Variants in KCTD13 observed in about 807,000 individuals in gnomAD.
The protein encoded by KCTD13 is BTB/POZ domain-containing adapter for CUL3-mediated RhoA degradation protein 1.
Under a neutral mutation model 32.3 loss-of-function variants are expected in KCTD13, and 15 were observed. That is an observed-to-expected ratio of 0.46 (90% confidence interval 0.31 to 0.71). KCTD13 has a LOEUF of 0.71. KCTD13 is among the 30% of genes least tolerant of loss of function. The pLI, the probability that KCTD13 is intolerant of heterozygous loss-of-function variation, is 0.05. For missense variants in KCTD13, 337 were observed against 452.6 expected (o/e 0.74, Z 2.32); for synonymous variants, 189 against 200.1 (o/e 0.94, Z 0.47).
chr16:29,911,233 A>G, intron 4 of KCTD13, 60 bp from the exon 5 acceptor site: 2 of 1,343,594 alleles, frequency 1.5e-6, no homozygotes, highest in South Asian at 1.3e-5. Flanking sequence ...CTGTACCCCC[A>G]GAAGACGGGC....
chr16:29,923,012 GT>G, intron 2 of KCTD13, 177 bp downstream of exon 2: 1 of 628,246 alleles, frequency 1.6e-6, no homozygotes, highest in South Asian at 2.0e-5. Flanking sequence ...TGAGGCTGGG[GT>G]GGGGGTGCTG....
chr16:29,925,303 AG>A (rs1228482413), intron 1 of KCTD13, among the ~76,000 whole-genome samples: 1 of 152,208 alleles, frequency 6.6e-6, no homozygotes, highest in African/African-American at 2.4e-5. Context: ...TAGAGTGTAC[AG>A]GGACCTGTGT....
chr16:29,923,127 C>T (rs1185783551), intron 2 of KCTD13, 63 bp downstream of exon 2: 10 of 1,570,974 alleles, frequency 6.4e-6, no homozygotes, highest in Non-Finnish European at 8.7e-6. Context: ...CTTTTTTCTG[C>T]TCTAATACCT....
In KCTD13 at chr16:29,925,881, C is replaced by T; in HGVS notation, c.153G>A (p.Leu51=). The T allele has an allele frequency of 3.1e-6, 5 of 1,614,064 alleles. No individual in the cohort carries two copies. Among genetic ancestry groups the T allele is most frequent in the Non-Finnish European group, 2.5e-6 (3 of 1,179,992 alleles). Reference sequence around the variant, plus strand: ...TGAGGGTGCGCAGCGTGGTGTAGTGCAACGAGCCGCCCACGTTCAGCTTCA... The same window carrying T: ...TGAGGGTGCGCAGCGTGGTGTAGTGTAACGAGCCGCCCACGTTCAGCTTCA... The part of the protein sequence containing the change: ...KYVKLNVGGS[L]HYTTLRTLTG... Residue 51 remains leucine, a synonymous_variant, in exon 1 of 6, where the codon TTG becomes TTA. Transcript: ENST00000568000.
intron 5 of KCTD13, among the ~76,000 whole-genome samples, chr16:29,909,371 AGT>A (rs1272359944): frequency 5.9e-5 from 9 of 152,234 alleles, no homozygotes; most frequent in Non-Finnish European, 4.4e-5. Context: ...AAGAGGCAAC[AGT>A]GTGTGCAGAG....
chr16:29,923,137 T>C (rs1440758481), intron 2 of KCTD13, 53 bp downstream of exon 2: 1 of 1,597,070 alleles, frequency 6.3e-7, no homozygotes, highest in South Asian at 1.1e-5. Flanking sequence ...CTCTAATACC[T>C]GCTTGGGCAG....
intron 1 of KCTD13, 95 bp downstream of exon 1, chr16:29,925,695 G>A: frequency 1.2e-5 from 15 of 1,262,432 alleles, no homozygotes; most frequent in Non-Finnish European, 1.7e-5. Context: ...GTAGCGGGCA[G>A]AGAGAAGGGG....
At chr16:29,916,592 G>C (rs2068813178) in intron 2 of KCTD13, among the ~76,000 whole-genome samples, 1 of 152,200 alleles carries the variant, frequency 6.6e-6, no homozygotes, top group Non-Finnish European at 1.5e-5. Flanking sequence ...GTCCAGGTGT[G>C]GAGGCTCATG....
intron 1 of KCTD13, among the ~76,000 whole-genome samples, chr16:29,924,626 A>G (rs1039131686): frequency 1.3e-5 from 2 of 152,174 alleles, no homozygotes; most frequent in Non-Finnish European, 2.9e-5. Context: ...CTTCCCTAAA[A>G]AAAGGGAATT....
At chr16:29,925,470 T>A in intron 1 of KCTD13, 1 of 399,566 alleles carries the variant, frequency 2.5e-6, no homozygotes, top group East Asian at 6.2e-5. Flanking sequence ...TTCCCAAGTC[T>A]TGAGCTGAGG....
At chr16:29,921,035 C>T (rs2068902268) in intron 2 of KCTD13, 2 of 151,936 alleles carry the variant, frequency 1.3e-5, no homozygotes, top group South Asian at 2.1e-4. Flanking sequence ...GAATGAACAC[C>T]GCAGATTTCT....
chr16:29,917,556 C>A (rs565216122), intron 2 of KCTD13, among the ~76,000 whole-genome samples: 1 of 151,894 alleles, frequency 6.6e-6, no homozygotes, highest in African/African-American at 2.4e-5. Flanking sequence ...CCAAGGCGGG[C>A]GGATCACGAG....
chr16:29,923,138 G>A, intron 2 of KCTD13, 52 bp downstream of exon 2: 1 of 1,596,488 alleles, frequency 6.3e-7, no homozygotes, highest in Non-Finnish European at 8.6e-7. Context: ...TCTAATACCT[G>A]CTTGGGCAGC....
intron 2 of KCTD13, chr16:29,913,097 T>A (rs1358669687): frequency 2.7e-5 from 4 of 150,576 alleles, no homozygotes; most frequent in African/African-American, 7.3e-5. Context: ...CAGAGAATAA[T>A]AAAAGTCTAC....
intron 4 of KCTD13, chr16:29,911,377 C>A (rs2068706116): frequency 6.8e-6 from 4 of 584,706 alleles, no homozygotes; most frequent in Admixed American, 3.1e-5. Context: ...CAGCACAGCA[C>A]AGCACAGCAG....
At chr16:29,924,543 G>C (rs542671570) in intron 1 of KCTD13, among the ~76,000 whole-genome samples, 1 of 151,998 alleles carries the variant, frequency 6.6e-6, no homozygotes, top group Non-Finnish European at 1.5e-5. Context: ...AAAAAAGAAA[G>C]AACTTACTAC....
chr16:29,921,592 T>C (rs746045255), intron 2 of KCTD13: 2 of 152,166 alleles, frequency 1.3e-5, no homozygotes, highest in Non-Finnish European at 2.9e-5. Context: ...GATAGCAGAA[T>C]TGCTCCTGAC....
At position 29,926,118 on chromosome 16, in the gene KCTD13, C is replaced by T. The variant is rs1266020428; in HGVS notation, c.-85G>A. On this transcript the variant is annotated 5_prime_UTR_variant, in exon 1 of 6. Transcript: ENST00000568000. The stretch of plus-strand genomic sequence containing the variant: ...CGAAGACCCTCGGCCGGCCCCCAGC[C>T]CTTGGGCCAGACCGCTCGGCGCACA... 7 of 1,400,772 alleles carry T rather than the reference C, an allele frequency of 5.0e-6. No individual in the cohort carries two copies. Among genetic ancestry groups the T allele is most frequent in the Non-Finnish European group, 6.5e-6 (7 of 1,079,164 alleles). The allele number at this position is 1,400,772 out of a possible 1,614,324, so 86.8% of individuals were successfully genotyped here.
chr16:29,907,082 G>A lies in KCTD13; in HGVS notation c.780C>T (p.Phe260=), dbSNP rs140743858. The change falls in exon 6 of 6, where the codon TTC becomes TTT. Residue 260 remains phenylalanine (F), a synonymous_variant. Transcript: ENST00000568000. ...TKVEFPEARI[F]EETLNILIYE... is the part of the protein sequence containing the mutation. ...AGATGAGGATGTTCAGGGTCTCCTCGAAGATCCGGGCCTCTGGAAATTCCA... is the reference window on the plus strand; with the variant it reads ...AGATGAGGATGTTCAGGGTCTCCTCAAAGATCCGGGCCTCTGGAAATTCCA... 7.1e-5 allele frequency: 114 copies of A among 1,610,734 alleles called. No homozygotes were observed. The Middle Eastern group carries it at 1.2e-3, about 16-fold the overall frequency.
Sources: allele counts gnomAD v4.1 joint callset (sites outside exome capture counted in the v4.1 genomes callset), GRCh38; gene constraint gnomAD v4.1.1; transcripts MANE v1.5; gene names NCBI Gene and HGNC (gene_info 2026-07-23, HGNC 2026-07-21).